The following FHIT variants were observed in gnomAD, a reference collection of about 807,000 sequenced individuals.
FHIT encodes fragile histidine triad diadenosine triphosphatase.
A neutral mutation model predicts 17.9 loss-of-function variants in FHIT; 19 were observed. The observed-to-expected ratio is 1.06, with a 90% CI of 0.74 to 1.56. FHIT has a LOEUF of 1.56. Ranked by LOEUF, FHIT falls within the 40% of genes most tolerant of loss-of-function variation. The pLI is 0.00. For missense variants in FHIT, 248 were observed against 189.2 expected, an observed-to-expected ratio of 1.31 and a Z score of -1.82; for synonymous variants, 81 against 69.7, an observed-to-expected ratio of 1.16 and a Z score of -0.81.
chr3:60,395,360 C>T (rs1386175884), intron 5 of FHIT, among the ~76,000 whole-genome samples: 1 of 152,150 alleles, frequency 6.6e-6, no homozygotes, highest in African/African-American at 2.4e-5. Flanking sequence ...TAGATGCAGA[C>T]ACTGAGGATT....
chr3:60,747,478 T>C (rs1330468285), intron 4 of FHIT, among the ~76,000 whole-genome samples: 1 of 152,132 alleles, frequency 6.6e-6, no homozygotes, highest in African/African-American at 2.4e-5. Context: ...GCCCAATAAA[T>C]TTTTGCTGAA....
At chr3:59,897,772 C>CTT (rs11401556) in intron 8 of FHIT, among the ~76,000 whole-genome samples, 9,545 of 144,596 alleles carry the variant, frequency 0.066, 343 homozygotes, top group African/African-American at 0.079. Flanking sequence ...CTTTTTTTTT[C>CTT]TTTTTTTTTT....
At chr3:60,228,797 G>C (rs972246691) in intron 5 of FHIT, among the ~76,000 whole-genome samples, 1 of 152,132 alleles carries the variant, frequency 6.6e-6, no homozygotes, top group African/African-American at 2.4e-5. Flanking sequence ...CTAAGCTTAA[G>C]TCATTTTGTC....
At chr3:60,264,097 T>A (rs1001452048) in intron 5 of FHIT, among the ~76,000 whole-genome samples, 1 of 151,090 alleles carries the variant, frequency 6.6e-6, no homozygotes, top group Non-Finnish European at 1.5e-5. Flanking sequence ...TTCCCCAAAG[T>A]GGGGGAGAAA....
chr3:60,873,288 T>C (rs542902407), intron 3 of FHIT, among the ~76,000 whole-genome samples: 14 of 152,318 alleles, frequency 9.2e-5, no homozygotes, highest in African/African-American at 3.1e-4. Context: ...TTTGAAACTA[T>C]TGAGTGCTTT....
chr3:59,748,030 A>G lies in FHIT; in HGVS notation c.*1555T>C, dbSNP rs929248610. Among the ~76,000 whole-genome samples, 1 of 152,176 alleles carries G rather than the reference A, an allele frequency of 6.6e-6. No homozygotes were observed. Among genetic ancestry groups the G allele is most frequent in the African/African-American group, 2.4e-5 (1 of 41,444 alleles). Reference sequence around the variant, plus strand: ...AGTTTCGGTTTGGTGCTAGAATTAAATGCCCCTCTAATGGTGGCTAGCCTC... The same window carrying G: ...AGTTTCGGTTTGGTGCTAGAATTAAGTGCCCCTCTAATGGTGGCTAGCCTC... On this transcript the variant is annotated 3_prime_UTR_variant, in exon 10 of 10. Transcript: ENST00000492590.
chr3:60,844,923 CACTA>C (rs781887160), intron 3 of FHIT, among the ~76,000 whole-genome samples: 15 of 152,078 alleles, frequency 9.9e-5, no homozygotes, highest in Non-Finnish European at 1.8e-4. Context: ...CATATTTATT[CACTA>C]ACTATGTTAC....
intron 5 of FHIT, among the ~76,000 whole-genome samples, chr3:60,455,041 G>C (rs967734063): frequency 1.3e-5 from 2 of 152,038 alleles, no homozygotes; most frequent in Non-Finnish European, 2.9e-5. Flanking sequence ...TGAGTACCTT[G>C]AGAATATATA....
intron 5 of FHIT, among the ~76,000 whole-genome samples, chr3:60,210,711 CCTAT>C (rs1236519033): frequency 6.6e-6 from 1 of 152,076 alleles, no homozygotes; most frequent in African/African-American, 2.4e-5. Flanking sequence ...ACATTCCTCA[CCTAT>C]CTGACAGGAA....
intron 1 of FHIT, among the ~76,000 whole-genome samples, chr3:61,209,905 C>T (rs1169846795): frequency 6.6e-6 from 1 of 152,152 alleles, no homozygotes; most frequent in African/African-American, 2.4e-5. Context: ...TTAGAGTTTC[C>T]AGTTTTTCTG....
intron 3 of FHIT, among the ~76,000 whole-genome samples, chr3:60,948,555 T>C (rs974720873): frequency 1.3e-5 from 2 of 152,134 alleles, no homozygotes; most frequent in African/African-American, 2.4e-5. Context: ...CATCTTGTAA[T>C]TGAATTCCAC....
At chr3:61,013,045 T>G (rs974822469) in intron 3 of FHIT, among the ~76,000 whole-genome samples, 1 of 152,098 alleles carries the variant, frequency 6.6e-6, no homozygotes, top group African/African-American at 2.4e-5. Flanking sequence ...ACTTAAAAAA[T>G]ATTTAACAAT....
intron 4 of FHIT, among the ~76,000 whole-genome samples, chr3:60,552,453 A>T (rs958731461): frequency 6.6e-6 from 1 of 152,156 alleles, no homozygotes; most frequent in Non-Finnish European, 1.5e-5. Flanking sequence ...CCAATGAAAG[A>T]GGGTTCCAAG....
intron 4 of FHIT, among the ~76,000 whole-genome samples, chr3:60,584,834 TA>T (rs1442786334): frequency 6.6e-6 from 1 of 152,034 alleles, no homozygotes; most frequent in Admixed American, 6.6e-5. Context: ...ATGTAATATC[TA>T]GCAATGTTCT....
Position 61,139,729 on chromosome 3 carries a change from T to A in FHIT, c.-164+60888A>T, listed in dbSNP as rs373225315. Among the ~76,000 whole-genome samples the A allele has an allele frequency of 2.0e-5, 3 of 152,282 alleles. No homozygotes were observed. The East Asian group carries it at 5.8e-4, about 29-fold the overall frequency. ...ACCAATCTCATTTTCAAATGGTGAA[T>A]CTTGGCTCATGTATATGTGGTACTA... On this transcript the variant is annotated intron_variant, in intron 2 of 9. Transcript: ENST00000492590.
intron 5 of FHIT, among the ~76,000 whole-genome samples, chr3:60,278,035 A>G (rs532897492): frequency 7.9e-5 from 12 of 152,306 alleles, no homozygotes; most frequent in Non-Finnish European, 1.6e-4. Context: ...ACAAAGAATC[A>G]TAAGATCAGA....
intron 5 of FHIT, among the ~76,000 whole-genome samples, chr3:60,196,961 T>C (rs373527504): frequency 2.6e-5 from 4 of 152,242 alleles, no homozygotes; most frequent in African/African-American, 9.6e-5. Context: ...AGACACCCCA[T>C]GCATATAAAC....
intron 5 of FHIT, among the ~76,000 whole-genome samples, chr3:60,132,266 A>T (rs1234519285): frequency 6.6e-6 from 1 of 152,168 alleles, no homozygotes; most frequent in Non-Finnish European, 1.5e-5. Context: ...TTCTCTCACT[A>T]TCACACAAGC....
chr3:60,427,065 G>A (rs1424426452), intron 5 of FHIT, among the ~76,000 whole-genome samples: 6 of 151,768 alleles, frequency 4.0e-5, no homozygotes, highest in Admixed American at 6.6e-5. Context: ...ATCTTGGGTG[G>A]GCCTGACCTA....
Sources: allele counts gnomAD v4.1 joint callset (sites outside exome capture counted in the v4.1 genomes callset), GRCh38; gene constraint gnomAD v4.1.1; transcripts MANE v1.5; gene names NCBI Gene and HGNC (gene_info 2026-07-23, HGNC 2026-07-21).